The following SGCD variants were observed in gnomAD, a reference collection of about 807,000 sequenced individuals.
SGCD encodes delta-sarcoglycan.
SGCD carries 18 observed loss-of-function variants against 36.6 expected under a neutral mutation model. The ratio of observed to expected loss-of-function variants is 0.49; its 90% CI spans 0.34 to 0.73. The LOEUF (loss-of-function observed/expected upper bound fraction) is 0.73. Ranked by LOEUF, SGCD falls within the 30% of genes least tolerant of loss-of-function variation. SGCD has a pLI of 0.01. For synonymous variants in SGCD, 133 were observed against 130.6 expected (o/e 1.02, Z -0.12); for missense variants, 387 against 346.7 (o/e 1.12, Z -0.92).
intron 3 of SGCD, among the ~76,000 whole-genome samples, chr5:156,261,210 T>C (rs1010167518): frequency 5.9e-5 from 9 of 152,192 alleles, no homozygotes; most frequent in African/African-American, 2.2e-4. Context: ...GTTTCTATAG[T>C]ATTAAGATTG....
intron 1 of SGCD, among the ~76,000 whole-genome samples, chr5:155,977,226 C>T (rs1284112429): frequency 1.3e-5 from 2 of 152,124 alleles, no homozygotes; most frequent in South Asian, 2.1e-4. Flanking sequence ...TGATTCCTGC[C>T]GCCCATTTAG....
Position 156,761,529 on chromosome 5 carries a change from C to T in SGCD, c.*2139C>T, listed in dbSNP as rs889080445. 17 of 152,166 alleles carry T rather than the reference C, an allele frequency of 1.1e-4. No homozygotes were observed. Among genetic ancestry groups the T allele is most frequent in the Non-Finnish European group, 1.9e-4 (13 of 68,044 alleles). The allele number at this position is 152,166 out of a possible 1,614,324, so 9.4% of individuals were successfully genotyped here. ...TACAGGGTTTTTCCAAGCCAGGAAACGCCCTCCTTGGCTACTAGGAGCACC... is the reference window on the plus strand; with the variant it reads ...TACAGGGTTTTTCCAAGCCAGGAAATGCCCTCCTTGGCTACTAGGAGCACC... On this transcript the variant is annotated 3_prime_UTR_variant, in exon 9 of 9. Transcript: ENST00000337851.
intron 3 of SGCD, among the ~76,000 whole-genome samples, chr5:156,142,497 C>T (rs1762605311): frequency 6.6e-6 from 1 of 152,198 alleles, no homozygotes. Flanking sequence ...ATATTTGGAA[C>T]ATCCTAGAGA....
the SGCD span, among the ~76,000 whole-genome samples, chr5:155,773,403 C>A: frequency 2.3e-4 from 35 of 152,228 alleles, no homozygotes; most frequent in African/African-American, 7.2e-4. Context: ...TGGTTTTGAA[C>A]TTCTGGCCTC....
chr5:156,075,284 C>T (rs1237029115), intron 1 of SGCD, among the ~76,000 whole-genome samples: 1 of 151,764 alleles, frequency 6.6e-6, no homozygotes, highest in Non-Finnish European at 1.5e-5. Flanking sequence ...AGGTGAAATA[C>T]ATAGCATATT....
intron 3 of SGCD, among the ~76,000 whole-genome samples, chr5:156,281,947 C>T (rs1293365985): frequency 6.6e-6 from 1 of 151,942 alleles, no homozygotes; most frequent in African/African-American, 2.4e-5. Flanking sequence ...CTGTTTTCCG[C>T]GTAAACCCAG....
chr5:155,977,508 G>A (rs553084990), intron 1 of SGCD, among the ~76,000 whole-genome samples: 1 of 152,206 alleles, frequency 6.6e-6, no homozygotes, highest in Admixed American at 6.5e-5. Flanking sequence ...AAATATATGT[G>A]GAATAAATGA....
At chr5:156,704,328 G>A (rs1158156183) in intron 7 of SGCD, 1 of 152,142 alleles carries the variant, frequency 6.6e-6, no homozygotes, top group African/African-American at 2.4e-5. Context: ...CTGGTCATAA[G>A]TCCCAGTCAC....
chr5:156,033,351 A>G lies in SGCD; in HGVS notation c.-281-84527A>G, dbSNP rs76766286. ...ACCCGTCACCCAAATAGTGAACACT[A>G]TACTTAATAGGTAATTTTTTAACCC... On this transcript the variant is annotated intron_variant, in intron 1 of 9. Transcript: ENST00000517913. Among the ~76,000 whole-genome samples the G allele has an allele frequency of 4.2e-3, 633 of 152,268 alleles. 3 individuals carry two copies. The highest frequency in any genetic ancestry group is 0.015 in the African/African-American group (605 of 41,544).
chr5:155,785,433 A>G, the SGCD span, among the ~76,000 whole-genome samples: 2 of 152,130 alleles, frequency 1.3e-5, no homozygotes, highest in Non-Finnish European at 2.9e-5. Context: ...GTGGAAACAT[A>G]CAAAATCCTC....
At position 156,059,298 on chromosome 5, in the gene SGCD, G is replaced by A. The variant is rs1437774567; in HGVS notation, c.-281-58580G>A. 1.0e-4 allele frequency among the ~76,000 whole-genome samples: 15 copies of A among 145,386 alleles called. 2 individuals are homozygous for A. Among genetic ancestry groups the A allele is most frequent in the African/African-American group, 2.5e-4 (10 of 40,488 alleles). On this transcript the variant is annotated intron_variant, in intron 1 of 9. Transcript: ENST00000517913. ...AGACAGTAACCAGGAAAGGGAAGGC[G>A]GGTTTATTTAGCTTCTTCCTCTGCT...
At chr5:156,095,637 C>T (rs1209839078) in intron 1 of SGCD, among the ~76,000 whole-genome samples, 1 of 152,084 alleles carries the variant, frequency 6.6e-6, no homozygotes, top group Non-Finnish European at 1.5e-5. Context: ...CCCTCCAGGG[C>T]TGGATCCCTG....
chr5:155,735,896 T>G, the SGCD span, among the ~76,000 whole-genome samples: 3 of 152,024 alleles, frequency 2.0e-5, no homozygotes, highest in Non-Finnish European at 4.4e-5. Context: ...TTCTTGTATG[T>G]GATATTTCAA....
intron 3 of SGCD, among the ~76,000 whole-genome samples, chr5:156,488,539 A>C (rs573187667): frequency 6.6e-6 from 1 of 152,274 alleles, no homozygotes; most frequent in East Asian, 1.9e-4. Flanking sequence ...ACTGCAGCCA[A>C]GAATACTCTA....
rs145196801 is a variant in SGCD, at chr5:155,978,342, G to A, written c.-282+107918G>A. 1.0e-2 allele frequency among the ~76,000 whole-genome samples: 1,519 copies of A among 152,318 alleles called. 14 individuals carry two copies. The highest frequency in any genetic ancestry group is 0.015 in the Non-Finnish European group (1,044 of 68,022). The stretch of plus-strand genomic sequence containing the variant: ...TCTGGACCAGGGCCCAAGGATCACA[G>A]TACCTGTGGTTGGAGTGGGACAGGG... On this transcript the variant is annotated intron_variant, in intron 1 of 9. Coordinates refer to the SGCD transcript ENST00000517913.
At chr5:155,737,990 T>C in the SGCD span, among the ~76,000 whole-genome samples, 1 of 152,118 alleles carries the variant, frequency 6.6e-6, no homozygotes, top group African/African-American at 2.4e-5. Flanking sequence ...ATTGAATAAT[T>C]AGGGAATAGA....
chr5:156,052,081 G>C lies in SGCD; in HGVS notation c.-281-65797G>C, dbSNP rs1759932429. Among the ~76,000 whole-genome samples the C allele has an allele frequency of 1.4e-5, 2 of 146,314 alleles. 1 individual carries two copies. The highest frequency in any genetic ancestry group is 3.1e-5 in the Non-Finnish European group (2 of 64,958). On this transcript the variant is annotated intron_variant, in intron 1 of 9. Coordinates refer to the SGCD transcript ENST00000517913. ...TGAAAAAGGGAAAAAAGGGGAAACAGGGATCCTCCATAAGTCCAGAGTTCC... is the reference window on the plus strand; with the variant it reads ...TGAAAAAGGGAAAAAAGGGGAAACACGGATCCTCCATAAGTCCAGAGTTCC...
intron 7 of SGCD, among the ~76,000 whole-genome samples, chr5:156,752,799 A>T (rs1294785006): frequency 6.6e-6 from 1 of 152,242 alleles, no homozygotes; most frequent in African/African-American, 2.4e-5. Context: ...ATTAGAAAAC[A>T]CTAAAATCAG....
At chr5:155,963,738 C>G (rs1757840106) in intron 1 of SGCD, among the ~76,000 whole-genome samples, 1 of 152,076 alleles carries the variant, frequency 6.6e-6, no homozygotes, top group Admixed American at 6.6e-5. Flanking sequence ...CTTCCTTATT[C>G]TCCTCTTTGC....
Sources: allele counts gnomAD v4.1 joint callset (sites outside exome capture counted in the v4.1 genomes callset), GRCh38; gene constraint gnomAD v4.1.1; transcripts MANE v1.5; gene names NCBI Gene and HGNC (gene_info 2026-07-23, HGNC 2026-07-21).